Variants in FER observed in about 807,000 individuals in gnomAD.
FER encodes tyrosine-protein kinase Fer.
In FER, 63 loss-of-function variants were observed where a neutral mutation model predicts 111.0. The ratio of observed to expected loss-of-function variants is 0.57; its 90% confidence interval spans 0.46 to 0.70. The LOEUF (loss-of-function observed/expected upper bound fraction) is 0.70, where lower values mean the gene tolerates loss of function less well. Ranked by LOEUF, FER falls within the 30% of genes least tolerant of loss-of-function variation. The probability of loss-of-function intolerance (pLI) is 0.00; values close to 1 mark genes in which losing one functional copy is unlikely to be tolerated. For missense variants in FER, 914 were observed against 954.0 expected, an observed-to-expected ratio of 0.96 and a Z score of 0.55; for synonymous variants, 327 against 313.9, an observed-to-expected ratio of 1.04 and a Z score of -0.44.
chr5:108,969,382 G>A (rs922832061), intron 13 of FER, among the ~76,000 whole-genome samples: 1 of 152,130 alleles, frequency 6.6e-6, no homozygotes, highest in African/African-American at 2.4e-5. Context: ...AGAGCTCCAA[G>A]AGACATTGTT....
At chr5:108,753,868 A>G (rs977111515) in intron 1 of FER, among the ~76,000 whole-genome samples, 1 of 152,174 alleles carries the variant, frequency 6.6e-6, no homozygotes, top group Non-Finnish European at 1.5e-5. Context: ...GTTGAACTAG[A>G]GTCCATATGG....
chr5:108,958,239 A>C (rs1298166871), intron 12 of FER, among the ~76,000 whole-genome samples: 1 of 151,768 alleles, frequency 6.6e-6, no homozygotes, highest in African/African-American at 2.4e-5. Context: ...TCAGCTGGGA[A>C]AGTAATCTTC....
At chr5:108,864,847 T>C (rs1335372952) in intron 5 of FER, among the ~76,000 whole-genome samples, 1 of 152,134 alleles carries the variant, frequency 6.6e-6, no homozygotes, top group Admixed American at 6.5e-5. Context: ...GTGGGCTCTT[T>C]TTTGGTTCCA....
At chr5:109,158,115 G>A (rs868709710) in intron 17 of FER, among the ~76,000 whole-genome samples, 1 of 152,062 alleles carries the variant, frequency 6.6e-6, no homozygotes, top group Non-Finnish European at 1.5e-5. Context: ...GGTGGCTCAT[G>A]CCTGTAACCC....
intron 2 of FER, among the ~76,000 whole-genome samples, chr5:108,795,688 CT>C (rs1387386100): frequency 2.6e-5 from 4 of 152,312 alleles, no homozygotes; most frequent in Non-Finnish European, 5.9e-5. Flanking sequence ...CATTTTTCAA[CT>C]CTAGAATTTG....
chr5:108,757,001 C>G (rs1751191801), intron 1 of FER, among the ~76,000 whole-genome samples: 2 of 152,070 alleles, frequency 1.3e-5, no homozygotes, highest in African/African-American at 4.8e-5. Flanking sequence ...TGATGGCTTG[C>G]ATGTTCTTTT....
chr5:108,900,555 G>A (rs1260640199), intron 10 of FER, among the ~76,000 whole-genome samples: 1 of 152,138 alleles, frequency 6.6e-6, no homozygotes. Context: ...GGAAGAATTG[G>A]AAGAACTCAA....
chr5:108,924,750 C>G, intron 10 of FER: 1 of 1,232,026 alleles, frequency 8.1e-7, no homozygotes, highest in Non-Finnish European at 1.0e-6. Context: ...CTTTAATGTT[C>G]AGCTCTGAGC....
intron 17 of FER, among the ~76,000 whole-genome samples, chr5:109,148,613 A>G (rs901370091): frequency 3.3e-5 from 5 of 152,212 alleles, no homozygotes; most frequent in African/African-American, 1.2e-4. Flanking sequence ...TAAGAGTATA[A>G]GAAAGTATGT....
intron 2 of FER, among the ~76,000 whole-genome samples, chr5:108,780,824 T>G (rs2149994416): frequency 6.7e-6 from 1 of 150,130 alleles, no homozygotes; most frequent in African/African-American, 2.5e-5. Context: ...CTGTATTTTT[T>G]CAGTCTATTT....
At chr5:108,842,541 A>G (rs1761370364) in intron 5 of FER, 2 of 152,196 alleles carry the variant, frequency 1.3e-5, no homozygotes, top group African/African-American at 2.4e-5. Flanking sequence ...GTAAGAAAAA[A>G]AACTAACAAT....
intron 17 of FER, among the ~76,000 whole-genome samples, chr5:109,113,247 T>A (rs926571073): frequency 1.3e-5 from 2 of 152,170 alleles, no homozygotes; most frequent in Non-Finnish European, 2.9e-5. Flanking sequence ...TCCTGCCTGA[T>A]CTTGATCTGT....
chr5:108,803,958 C>T (rs544278639), intron 3 of FER, among the ~76,000 whole-genome samples: 9 of 152,188 alleles, frequency 5.9e-5, no homozygotes, highest in East Asian at 3.9e-4. Flanking sequence ...TCTTTCAGAC[C>T]GTCCGCACAG....
intron 1 of FER, among the ~76,000 whole-genome samples, chr5:108,750,945 C>T (rs1750425857): frequency 6.6e-6 from 1 of 152,210 alleles, no homozygotes. Context: ...GTAATCCCAG[C>T]ACTTTGGGAG....
In FER at chr5:108,787,307, G is replaced by A. The variant is rs545196923; in HGVS notation, c.-59-10817G>A. Among the ~76,000 whole-genome samples, 9 of 152,182 alleles carry A rather than the reference G, an allele frequency of 5.9e-5. No homozygotes were observed. In the South Asian group the frequency reaches 1.4e-3, roughly 25 times the overall value. ...TCGTCCCCTCTGGACTTTGGGTATC[G>A]ACAAGCGTAGGAGGGGGGCCGCAGG... On this transcript the variant is annotated intron_variant, in intron 2 of 19. Transcript: ENST00000281092.
At chr5:108,881,767 G>T (rs1477543781) in intron 8 of FER, among the ~76,000 whole-genome samples, 1 of 151,928 alleles carries the variant, frequency 6.6e-6, no homozygotes, top group East Asian at 1.9e-4. Context: ...GTTCTGTGCT[G>T]CTTCTTCTTA....
rs142838306 is a variant in FER at position 108,798,276 on chromosome 5, A to G, written c.94A>G (p.Met32Val). ...GTTACTGGAAACAGTAAAGAAATTT[A>G]TGGCCCTGAGAATAAAAAGTGATAA... The part of the protein sequence containing the change: ...LRLLETVKKF[M>V]ALRIKSDKEY... Residue 32 changes from methionine to valine, a missense_variant, in exon 3 of 20, where the codon ATG (methionine) becomes GTG (valine). By Grantham distance (21) the Met-to-Val change is conservative (BLOSUM62 1). Around this residue, in one of 3 missense-constraint regions of FER, gnomAD observed 774 missense variants for 782.6 expected, o/e 0.99. Transcript: ENST00000281092. 7 of 1,614,058 alleles carry G rather than the reference A, an allele frequency of 4.3e-6. No individual in the cohort carries two copies. Among genetic ancestry groups the G allele is most frequent in the Admixed American group, 1.7e-5 (1 of 60,016 alleles).
chr5:108,890,573 T>C (rs1408571897), intron 9 of FER, among the ~76,000 whole-genome samples: 1 of 152,044 alleles, frequency 6.6e-6, no homozygotes, highest in Non-Finnish European at 1.5e-5. Flanking sequence ...GTGTCTCTTC[T>C]CTGTATCCAA....
Position 109,186,298 on chromosome 5 carries a change from C to A in FER, c.2302C>A (p.Gln768Lys). 1.9e-6 allele frequency: 3 copies of A among 1,614,046 alleles called. No individual in the cohort carries two copies. The highest frequency in any genetic ancestry group is 2.5e-6 in the Non-Finnish European group (3 of 1,179,988). ...TCCGTACCCTGGAATGACAAATCAG[C>A]AAGCAAGAGAGCAAGTAGAAAGAGG... ...VCPYPGMTNQQAREQVERGYR... is the reference protein window; with the variant it reads ...VCPYPGMTNQKAREQVERGYR... Residue 768 changes from glutamine (Q) to lysine (K), a missense_variant, in exon 19 of 20, where the codon CAA becomes AAA. Physicochemically the swap from Gln to Lys is moderately conservative, Grantham distance 53. This residue lies in a region of FER where 134 missense variants were observed against 149.4 expected (regional missense o/e 0.90). Transcript: ENST00000281092.
Sources: allele counts gnomAD v4.1 joint callset (sites outside exome capture counted in the v4.1 genomes callset), GRCh38; gene constraint gnomAD v4.1.1; regional missense constraint gnomAD v4.1.1; transcripts MANE v1.5; gene names NCBI Gene and HGNC (gene_info 2026-07-23, HGNC 2026-07-21).